The following AOPEP variants were observed in gnomAD, a reference collection of about 807,000 sequenced individuals.
AOPEP encodes aminopeptidase O (putative), also known as aminopeptidase O.
AOPEP carries 77 observed loss-of-function variants against 98.1 expected under a neutral mutation model. The observed-to-expected ratio is 0.78, with a 90% confidence interval of 0.65 to 0.95. The LOEUF (loss-of-function observed/expected upper bound fraction) is 0.95. Among genes scored for constraint, AOPEP ranks in the 40% least tolerant of loss-of-function variants. AOPEP has a pLI of 0.00. For synonymous variants in AOPEP, 346 were observed against 365.3 expected (o/e 0.95, Z 0.60); for missense variants, 1,024 against 1,024.7 (o/e 1.00, Z 0.01).
At chr9:94,973,716 G>A (rs548791055) in intron 10 of AOPEP, among the ~76,000 whole-genome samples, 2 of 152,340 alleles carry the variant, frequency 1.3e-5, no homozygotes, top group East Asian at 3.9e-4. Context: ...TCACTAGTAC[G>A]GATACGCAGG....
the AOPEP span, among the ~76,000 whole-genome samples, chr9:95,122,951 G>A: frequency 6.6e-6 from 1 of 152,196 alleles, no homozygotes; most frequent in South Asian, 2.1e-4. Context: ...AGCGCAGCTT[G>A]CTACAGCCCA....
At chr9:94,985,787 A>G (rs767913110) in intron 11 of AOPEP, among the ~76,000 whole-genome samples, 1 of 152,182 alleles carries the variant, frequency 6.6e-6, no homozygotes, top group African/African-American at 2.4e-5. Flanking sequence ...GTGACTAAAC[A>G]TCTTGTCAAG....
chr9:94,795,230 A>G (rs1846655551), intron 4 of AOPEP, among the ~76,000 whole-genome samples: 1 of 151,952 alleles, frequency 6.6e-6, no homozygotes, highest in Non-Finnish European at 1.5e-5. Context: ...TTACCTGGAG[A>G]CTTTAAAAAA....
intron 11 of AOPEP, among the ~76,000 whole-genome samples, chr9:94,996,397 A>G (rs2061247511): frequency 6.9e-6 from 1 of 145,902 alleles, no homozygotes; most frequent in Non-Finnish European, 1.5e-5. Context: ...TGTGTGAGAG[A>G]GAGATTTTAC....
At chr9:94,850,502 C>G (rs1247633527) in intron 5 of AOPEP, among the ~76,000 whole-genome samples, 1 of 152,130 alleles carries the variant, frequency 6.6e-6, no homozygotes, top group African/African-American at 2.4e-5. Context: ...TCCCAGCAAC[C>G]CCGAGTTAGG....
chr9:95,039,279 A>C (rs1048984627), intron 13 of AOPEP, among the ~76,000 whole-genome samples: 1 of 152,046 alleles, frequency 6.6e-6, no homozygotes, highest in Admixed American at 6.6e-5. Flanking sequence ...AAAAACTGAA[A>C]TTGTTGGCCA....
intron 13 of AOPEP, among the ~76,000 whole-genome samples, chr9:95,007,030 T>C (rs563054018): frequency 4.9e-4 from 74 of 151,762 alleles, no homozygotes; most frequent in African/African-American, 1.7e-3. Context: ...GCCTCCCGAA[T>C]AGCTGGAACT....
chr9:94,944,026 G>A (rs1323034616), intron 7 of AOPEP, among the ~76,000 whole-genome samples: 1 of 151,418 alleles, frequency 6.6e-6, no homozygotes, highest in African/African-American at 2.4e-5. Context: ...AACATTATTG[G>A]CTATCAGGAA....
intron 3 of AOPEP, among the ~76,000 whole-genome samples, chr9:94,773,747 G>A (rs2132882262): frequency 6.6e-6 from 1 of 152,264 alleles, no homozygotes; most frequent in South Asian, 2.1e-4. Context: ...TGGAGATCCT[G>A]AGCATGTTGA....
At chr9:95,121,731 A>G in the AOPEP span, among the ~76,000 whole-genome samples, 1 of 152,088 alleles carries the variant, frequency 6.6e-6, no homozygotes, top group Non-Finnish European at 1.5e-5. Context: ...TGCACAGAGT[A>G]TGCTGCTCCT....
rs980176862 is a variant in AOPEP, at chr9:94,930,834, G to C, written c.1661+2303G>C. Among the ~76,000 whole-genome samples, 3 of 152,076 alleles carry C rather than the reference G, an allele frequency of 2.0e-5. No individual in the cohort carries two copies. Among genetic ancestry groups the C allele is most frequent in the African/African-American group, 7.2e-5 (3 of 41,410 alleles). On this transcript the variant is annotated intron_variant, in intron 7 of 16. Transcript: ENST00000375315. The surrounding 1 kb of genome is among the most constrained non-coding windows in gnomAD (Gnocchi z 4.5). ...CTGGTAACTGTAGGCTCTGTGAGAGGGGGTGTGTTGGCCCAGGAAGCGAGA... is the reference window on the plus strand; with the variant it reads ...CTGGTAACTGTAGGCTCTGTGAGAGCGGGTGTGTTGGCCCAGGAAGCGAGA...
intron 3 of AOPEP, among the ~76,000 whole-genome samples, chr9:94,790,851 A>G (rs1845553068): frequency 6.6e-6 from 1 of 151,794 alleles, no homozygotes; most frequent in Admixed American, 6.6e-5. Context: ...TTGACATCCA[A>G]TCACCGACCA....
At chr9:95,126,727 G>A in the AOPEP span, 2 of 786,226 alleles carry the variant, frequency 2.5e-6, no homozygotes, top group Non-Finnish European at 4.3e-6. Flanking sequence ...AACCACTGCT[G>A]TACTGAAAAC....
intron 5 of AOPEP, among the ~76,000 whole-genome samples, chr9:94,867,097 T>G (rs1040234110): frequency 6.6e-6 from 1 of 152,250 alleles, no homozygotes. Context: ...TTCAGTCTGC[T>G]GCCTGCTATT....
chr9:94,946,082 G>A (rs778064924), intron 7 of AOPEP, among the ~76,000 whole-genome samples: 4 of 152,060 alleles, frequency 2.6e-5, no homozygotes, highest in Non-Finnish European at 5.9e-5. Flanking sequence ...GCCTTGTACT[G>A]CCTGGATCCT....
At chr9:94,755,593 T>A (rs1016674343) in intron 1 of AOPEP, among the ~76,000 whole-genome samples, 20 of 152,210 alleles carry the variant, frequency 1.3e-4, no homozygotes, top group African/African-American at 4.6e-4. Context: ...CCCCCAAAGC[T>A]ATTACAATAA....
Position 94,760,235 on chromosome 9 carries a change from T to C in AOPEP, c.452T>C (p.Leu151Ser). 6.2e-7 allele frequency: 1 copy of C among 1,614,220 alleles called. No individual in the cohort carries two copies. Among genetic ancestry groups the C allele is most frequent in the Non-Finnish European group, 8.5e-7 (1 of 1,180,032 alleles). The change falls in exon 2 of 17, where the codon TTA (leucine) becomes TCA (serine). Residue 151 changes from leucine to serine, a missense_variant. Physicochemically the swap from Leu to Ser is moderately radical, Grantham distance 145. This residue lies in a region of AOPEP where 440 missense variants were observed against 433.8 expected (regional missense o/e 1.01). Transcript: ENST00000375315. The stretch of plus-strand genomic sequence containing the variant: ...TTGCTAGTGTTGGACTGCTGTGATT[T>C]ATCTGTGTTAAAAGTCGAGGAGGTG... ...DFLLVLDCCD[L>S]SVLKVEEVDV...
At chr9:95,099,150 G>C in the AOPEP span, 3 of 216,040 alleles carry the variant, frequency 1.4e-5, no homozygotes, top group Middle Eastern at 1.4e-3. Context: ...ACGGAGTCCA[G>C]GGGAATAACA....
chr9:94,931,703 A>G (rs755238969), intron 7 of AOPEP: 1 of 1,536,390 alleles, frequency 6.5e-7, no homozygotes, highest in South Asian at 1.2e-5. Context: ...ATCTCGCTTT[A>G]TGTCTTGATA....
Sources: allele counts gnomAD v4.1 joint callset (sites outside exome capture counted in the v4.1 genomes callset), GRCh38; gene constraint gnomAD v4.1.1; regional missense constraint gnomAD v4.1.1; non-coding constraint Gnocchi (gnomAD v3.1); transcripts MANE v1.5; gene names NCBI Gene and HGNC (gene_info 2026-07-23, HGNC 2026-07-21).